NELL1: variants seen among roughly 807,000 people sequenced by gnomAD.
NELL1 encodes neural EGFL like 1.
NELL1 carries 76 observed loss-of-function variants against 107.4 expected under a neutral mutation model. The observed-to-expected ratio is 0.71, with a 90% confidence interval of 0.59 to 0.86. The LOEUF (loss-of-function observed/expected upper bound fraction) is 0.86, where lower values mean the gene tolerates loss of function less well. Among genes scored for constraint, NELL1 ranks in the 40% least tolerant of loss-of-function variants. The probability of loss-of-function intolerance (pLI) is 0.00; values close to 1 mark genes in which losing one functional copy is unlikely to be tolerated. For missense variants in NELL1, 1,024 were observed against 1,005.5 expected (o/e 1.02, Z -0.25); for synonymous variants, 353 against 341.2 (o/e 1.03, Z -0.38).
chr11:21,568,548 A>G (rs1302736546), intron 17 of NELL1, among the ~76,000 whole-genome samples: 1 of 139,698 alleles, frequency 7.2e-6, no homozygotes, highest in Non-Finnish European at 1.5e-5. Context: ...GTGTAATAAC[A>G]CTTAGTTTAA....
At chr11:21,449,500 A>G (rs59777175) in intron 15 of NELL1, among the ~76,000 whole-genome samples, 9,315 of 152,112 alleles carry the variant, frequency 0.061, 614 homozygotes, top group East Asian at 0.17. Context: ...CAGATTTTGT[A>G]GCTTTGTGGC....
chr11:20,913,209 A>G (rs1371489647), intron 5 of NELL1, among the ~76,000 whole-genome samples: 1 of 152,044 alleles, frequency 6.6e-6, no homozygotes, highest in Non-Finnish European at 1.5e-5. Context: ...TCATCCATAT[A>G]TTTACATGCC....
chr11:20,817,623 G>A (rs1406810831), intron 3 of NELL1, among the ~76,000 whole-genome samples: 1 of 151,582 alleles, frequency 6.6e-6, no homozygotes, highest in East Asian at 1.9e-4. Context: ...TGGATTCCTG[G>A]ATCTCAATTT....
chr11:20,782,591 C>T (rs1394316918), intron 2 of NELL1, among the ~76,000 whole-genome samples: 2 of 152,128 alleles, frequency 1.3e-5, no homozygotes, highest in East Asian at 1.9e-4. Context: ...CTTCAAGGTC[C>T]GTATACCAGT....
Position 20,677,235 on chromosome 11 carries a change from C to A in NELL1, c.56-697C>A, listed in dbSNP as rs554593858. On this transcript the variant is annotated intron_variant, in intron 1 of 19. Coordinates refer to ENST00000357134, the MANE Select transcript of NELL1 (RefSeq NM_006157.5). ...ACCCTTCTTCAACAGGGACAGGGTC[C>A]TTTTCCACTTTTTTCCTCCTTAACA... is the stretch of plus-strand genomic sequence containing the variant. Among the ~76,000 whole-genome samples the A allele has an allele frequency of 3.3e-5, 5 of 152,290 alleles. No individual in the cohort carries two copies. The South Asian group carries it at 1.0e-3, about 32-fold the overall frequency.
intron 14 of NELL1, among the ~76,000 whole-genome samples, chr11:21,318,501 C>T (rs1187036988): frequency 6.6e-6 from 1 of 152,044 alleles, no homozygotes; most frequent in African/African-American, 2.4e-5. Flanking sequence ...TCTATCAGAC[C>T]ATATATGTCT....
chr11:20,871,455 C>CTA (rs1849195222), intron 4 of NELL1, among the ~76,000 whole-genome samples: 2 of 152,172 alleles, frequency 1.3e-5, no homozygotes, highest in South Asian at 4.1e-4. Context: ...TGGTGTCTGC[C>CTA]TATATATTAT....
rs1850761271 is a variant in NELL1 at position 20,937,913 on chromosome 11, T to C, written c.1071+54T>C. The C allele has an allele frequency of 1.2e-5, 18 of 1,551,502 alleles. No homozygotes were observed. The South Asian group carries it at 2.0e-4, about 17-fold the overall frequency. ...CTTCTGGAAAATGAATAGATAGATG[T>C]GTGGGCTTTAGATGAGGTTCTTGAG... is the stretch of plus-strand genomic sequence containing the variant. On this transcript the variant is annotated intron_variant, in intron 10 of 19. Transcript: ENST00000357134.
Position 20,960,490 on chromosome 11 carries a change from G to T in NELL1, c.1230G>T (p.Trp410Cys). The stretch of plus-strand genomic sequence containing the variant: ...GTGAAAACTCAGAGTGCAAAAACTG[G>T]AATACAAAAGCTACTTGTGAGTGCA... ...KCGENSECKN[W>C]NTKATCECKS... is the part of the protein sequence containing the mutation. The change falls in exon 12 of 20, where the codon TGG becomes TGT. Residue 410 changes from tryptophan to cysteine, a missense_variant. Trp to Cys is a radical substitution (Grantham distance 215, BLOSUM62 -2). Transcript: ENST00000357134. 6.2e-7 allele frequency: 1 copy of T among 1,613,988 alleles called. No individual in the cohort carries two copies. Among genetic ancestry groups the T allele is most frequent in the Non-Finnish European group, 8.5e-7 (1 of 1,179,894 alleles).
chr11:21,426,467 A>G (rs529858599), intron 15 of NELL1, among the ~76,000 whole-genome samples: 83 of 152,368 alleles, frequency 5.4e-4, no homozygotes, highest in Non-Finnish European at 9.8e-4. Flanking sequence ...AAGATATTTT[A>G]AAGACTTTCA....
At chr11:20,733,118 C>T (rs1460607496) in intron 2 of NELL1, among the ~76,000 whole-genome samples, 3 of 152,268 alleles carry the variant, frequency 2.0e-5, no homozygotes, top group Middle Eastern at 3.4e-3. Context: ...TGGCTGCTAT[C>T]CAAGTGTGTT....
chr11:20,672,979 C>A lies in NELL1; in HGVS notation c.55+3201C>A, dbSNP rs1000302866. Among the ~76,000 whole-genome samples the A allele has an allele frequency of 1.0e-4, 10 of 95,802 alleles. No homozygotes were observed. The East Asian group carries it at 3.7e-3, about 36-fold the overall frequency. The allele number at this position is 95,802 out of a possible 152,430, so 62.8% of individuals were successfully genotyped here. On this transcript the variant is annotated intron_variant, in intron 1 of 19. Coordinates refer to ENST00000357134, the MANE Select transcript of NELL1 (RefSeq NM_006157.5). ...TGATTCTCCTGCCTCAGCCCCCCCC[C>A]CCCCCCCCGAGTAGCTGGGATTACA...
chr11:20,882,822 G>C (rs979024345), intron 4 of NELL1, among the ~76,000 whole-genome samples: 1 of 152,058 alleles, frequency 6.6e-6, no homozygotes, highest in Admixed American at 6.5e-5. Context: ...CCCATCTTGC[G>C]TATAGCTTTT....
chr11:20,900,951 T>C (rs1399167034), intron 5 of NELL1, among the ~76,000 whole-genome samples: 1 of 152,008 alleles, frequency 6.6e-6, no homozygotes, highest in East Asian at 1.9e-4. Flanking sequence ...CTTAGCAAAC[T>C]AGAAATAGAA....
At chr11:21,337,786 T>TTCTTTCTC in intron 14 of NELL1, among the ~76,000 whole-genome samples, 1 of 145,484 alleles carries the variant, frequency 6.9e-6, no homozygotes, top group Non-Finnish European at 1.5e-5. Flanking sequence ...CTTTCTTTCT[T>TTCTTTCTC]TCTTTCTTTC....
intron 15 of NELL1, among the ~76,000 whole-genome samples, chr11:21,470,742 G>A (rs1022747000): frequency 1.3e-5 from 2 of 152,084 alleles, no homozygotes; most frequent in Non-Finnish European, 2.9e-5. Flanking sequence ...AGAACCTCAG[G>A]ACATATTTGC....
At chr11:21,014,436 T>G (rs911215517) in intron 12 of NELL1, among the ~76,000 whole-genome samples, 2 of 152,146 alleles carry the variant, frequency 1.3e-5, no homozygotes, top group Non-Finnish European at 2.9e-5. Flanking sequence ...TGTAGTTGAA[T>G]GTACCACTTT....
intron 14 of NELL1, among the ~76,000 whole-genome samples, chr11:21,355,685 C>G (rs1371443543): frequency 6.6e-6 from 1 of 152,184 alleles, no homozygotes; most frequent in Non-Finnish European, 1.5e-5. Context: ...CTCCTCACTC[C>G]TAAGTTCTTG....
chr11:21,278,148 T>C (rs1294202390), intron 14 of NELL1, among the ~76,000 whole-genome samples: 1 of 152,070 alleles, frequency 6.6e-6, no homozygotes, highest in Non-Finnish European at 1.5e-5. Context: ...TTCCTCAACT[T>C]GATAAAGAAC....
Sources: gnomAD v4.1 joint callset for allele counts (sites outside exome capture counted in the v4.1 genomes callset) on GRCh38, gnomAD v4.1.1 for gene constraint, MANE v1.5 for transcripts, NCBI Gene and HGNC (gene_info 2026-07-23, HGNC 2026-07-21) for gene names.